IGF1R: variants seen among roughly 807,000 people sequenced by gnomAD.
IGF1R encodes insulin-like growth factor 1 receptor.
In IGF1R, 44 loss-of-function variants were observed where a neutral mutation model predicts 144.6. The ratio of observed to expected loss-of-function variants is 0.30; its 90% CI spans 0.24 to 0.39. IGF1R has a LOEUF of 0.39. Ranked by LOEUF, IGF1R falls within the 10% of genes least tolerant of loss-of-function variation. The pLI is 1.00. For synonymous variants in IGF1R, 795 were observed against 722.8 expected (o/e 1.10, Z -1.60); for missense variants, 1,355 against 1,833.7 (o/e 0.74, Z 4.77).
intron 2 of IGF1R, among the ~76,000 whole-genome samples, chr15:98,840,960 CG>C (rs2011164012): frequency 6.6e-6 from 1 of 152,182 alleles, no homozygotes; most frequent in Admixed American, 6.5e-5. Context: ...GGATTACAGG[CG>C]TGAGACACTG....
chr15:98,831,517 G>A (rs1346800597), intron 2 of IGF1R, among the ~76,000 whole-genome samples: 1 of 152,166 alleles, frequency 6.6e-6, no homozygotes, highest in Non-Finnish European at 1.5e-5. Context: ...ACGGTGGAGG[G>A]TTGATCCCTT....
Position 98,911,364 on chromosome 15 carries a change from C to T in IGF1R, c.1512C>T (p.Arg504=), listed in dbSNP as rs982491427. The T allele has an allele frequency of 1.2e-6, 2 of 1,614,186 alleles. No individual in the cohort carries two copies. The highest frequency in any genetic ancestry group is 1.7e-5 in the Admixed American group (1 of 60,028). Residue 504 remains arginine (R), a synonymous_variant, in exon 7 of 21, where the codon CGC becomes CGT. Coordinates refer to ENST00000650285, the MANE Select transcript of IGF1R (RefSeq NM_000875.5). ...CCTCCACCACCACGTCGAAGAATCG[C>T]ATCATCATAACCTGGCACCGGTACC... ...HFTSTTTSKN[R]IIITWHRYRP...
At chr15:98,774,278 G>A (rs1248956260) in intron 2 of IGF1R, among the ~76,000 whole-genome samples, 1 of 152,188 alleles carries the variant, frequency 6.6e-6, no homozygotes, top group Non-Finnish European at 1.5e-5. Context: ...TTGTGATTCA[G>A]TTGTAAAGTA....
chr15:98,845,458 C>T (rs2011279946), intron 2 of IGF1R, among the ~76,000 whole-genome samples: 2 of 106,068 alleles, frequency 1.9e-5, no homozygotes, highest in South Asian at 9.2e-4. Flanking sequence ...CCCCTCCTTC[C>T]TTCTCCTGCC....
At position 98,737,474 on chromosome 15, in the gene IGF1R, T is replaced by G. The variant is rs1434103896; in HGVS notation, c.640+29367T>G. The stretch of plus-strand genomic sequence containing the variant: ...AGCTGATAGGAGCTAGAAATACTGT[T>G]TTGGGTAGGACTTACCCAAAAGAGT... On this transcript the variant is annotated intron_variant, in intron 2 of 20. Coordinates refer to ENST00000650285, the MANE Select transcript of IGF1R (RefSeq NM_000875.5). Among the ~76,000 whole-genome samples the G allele has an allele frequency of 2.0e-5, 3 of 152,246 alleles. No individual in the cohort carries two copies. The East Asian group carries it at 5.8e-4, about 29-fold the overall frequency.
At chr15:98,732,528 G>A (rs75552942) in intron 2 of IGF1R, among the ~76,000 whole-genome samples, 5,407 of 152,236 alleles carry the variant, frequency 0.036, 111 homozygotes, top group East Asian at 0.052. Context: ...TGGCAGAGCC[G>A]TGGGTGGAGG....
intron 2 of IGF1R, among the ~76,000 whole-genome samples, chr15:98,716,337 C>T (rs962422637): frequency 2.6e-5 from 4 of 152,200 alleles, no homozygotes; most frequent in African/African-American, 9.7e-5. Context: ...TCTCTCTCCT[C>T]TTTGATCCTA....
In IGF1R at chr15:98,649,506, C is replaced by A. The variant is rs1383096551; in HGVS notation, c.-76C>A. On this transcript the variant is annotated 5_prime_UTR_variant, in exon 1 of 21. Coordinates refer to ENST00000650285, the MANE Select transcript of IGF1R (RefSeq NM_000875.5). ...GTTTGAGACTTGTTTCCTTTCATTT[C>A]CTTTTTTTCTTTTCTTTTCTTTTTT... 1.2e-5 allele frequency: 12 copies of A among 1,026,588 alleles called. No individual in the cohort carries two copies. Among genetic ancestry groups the A allele is most frequent in the Admixed American group, 2.1e-5 (1 of 47,366 alleles). The allele number at this position is 1,026,588 out of a possible 1,614,324, so 63.6% of individuals were successfully genotyped here.
chr15:98,748,449 A>G (rs2054923336), intron 2 of IGF1R, among the ~76,000 whole-genome samples: 1 of 152,240 alleles, frequency 6.6e-6, no homozygotes, highest in Non-Finnish European at 1.5e-5. Context: ...TGCTGGGATT[A>G]CAGGCGTGAG....
chr15:98,698,296 C>T lies in IGF1R; in HGVS notation c.95-9266C>T, dbSNP rs2053644445. 3.9e-5 allele frequency among the ~76,000 whole-genome samples: 6 copies of T among 152,334 alleles called. No homozygotes were observed. The South Asian group carries it at 1.2e-3, about 32-fold the overall frequency. On this transcript the variant is annotated intron_variant, in intron 1 of 20. Transcript: ENST00000650285. ...TCGTGATCCGCCTGCCTCGGCCTCCCAAAGTGCTGGGATCACAGGTGTGAG... is the reference window on the plus strand; with the variant it reads ...TCGTGATCCGCCTGCCTCGGCCTCCTAAAGTGCTGGGATCACAGGTGTGAG...
chr15:98,779,407 T>C (rs1327420850), intron 2 of IGF1R, among the ~76,000 whole-genome samples: 1 of 152,262 alleles, frequency 6.6e-6, no homozygotes, highest in East Asian at 1.9e-4. Flanking sequence ...CACTGCTCTG[T>C]GCTATGTACC....
intron 6 of IGF1R, 107 bp downstream of exon 6, chr15:98,909,006 A>G (rs1596431467): frequency 1.0e-6 from 1 of 958,316 alleles, no homozygotes; most frequent in South Asian, 1.4e-5. Context: ...CTGGTTTCAC[A>G]TGGGGGACCA....
At chr15:98,765,930 T>C (rs2141362124) in intron 2 of IGF1R, among the ~76,000 whole-genome samples, 1 of 152,234 alleles carries the variant, frequency 6.6e-6, no homozygotes, top group South Asian at 2.1e-4. Flanking sequence ...GTGGGCATGC[T>C]GATGCCACGC....
chr15:98,751,571 C>A (rs764736896), intron 2 of IGF1R, among the ~76,000 whole-genome samples: 1 of 152,126 alleles, frequency 6.6e-6, no homozygotes, highest in Non-Finnish European at 1.5e-5. Context: ...TGCATTGGTC[C>A]CAGTTTTTTA....
At chr15:98,749,863 T>C (rs371835300) in intron 2 of IGF1R, among the ~76,000 whole-genome samples, 1 of 149,472 alleles carries the variant, frequency 6.7e-6, no homozygotes, top group East Asian at 2.0e-4. Flanking sequence ...TTTTATCGTT[T>C]TAGACTTTTA....
intron 7 of IGF1R, among the ~76,000 whole-genome samples, chr15:98,911,820 C>T (rs992474189): frequency 1.3e-5 from 2 of 152,200 alleles, no homozygotes; most frequent in Non-Finnish European, 2.9e-5. Flanking sequence ...ACCTACTAGG[C>T]CTACTCCAGG....
chr15:98,946,780 C>T (rs931866355), intron 19 of IGF1R, among the ~76,000 whole-genome samples: 2 of 152,166 alleles, frequency 1.3e-5, no homozygotes, highest in Admixed American at 6.5e-5. Context: ...GGGTGGGAGC[C>T]GTGCCGTGAG....
chr15:98,869,437 T>TTC (rs1223176008), intron 2 of IGF1R, among the ~76,000 whole-genome samples: 15 of 149,042 alleles, frequency 1.0e-4, no homozygotes, highest in Non-Finnish European at 1.9e-4. Flanking sequence ...TGAGATTCTT[T>TTC]TTTTTTTTTT....
At chr15:98,807,578 C>G (rs890906750) in intron 2 of IGF1R, among the ~76,000 whole-genome samples, 1 of 152,178 alleles carries the variant, frequency 6.6e-6, no homozygotes, top group Admixed American at 6.5e-5. Context: ...GGGATTTTAT[C>G]CTTGTGCTGC....
Sources: gnomAD v4.1 joint callset for allele counts (sites outside exome capture counted in the v4.1 genomes callset) on GRCh38, gnomAD v4.1.1 for gene constraint, MANE v1.5 for transcripts, NCBI Gene and HGNC (gene_info 2026-07-23, HGNC 2026-07-21) for gene names.